Variants in THEMIS observed in about 807,000 individuals in gnomAD.
THEMIS encodes protein THEMIS.
Under a neutral mutation model 52.6 loss-of-function variants are expected in THEMIS, and 37 were observed. That is an observed-to-expected ratio of 0.70 (90% CI 0.54 to 0.93). THEMIS has a LOEUF of 0.93. Among genes scored for constraint, THEMIS ranks in the 40% least tolerant of loss-of-function variants. THEMIS has a pLI of 0.00. For missense variants in THEMIS, 808 were observed against 763.1 expected (o/e 1.06, Z -0.69); for synonymous variants, 292 against 272.7 (o/e 1.07, Z -0.70).
chr6:127,800,693 G>C (rs1347651593), intron 4 of THEMIS, among the ~76,000 whole-genome samples: 5 of 152,202 alleles, frequency 3.3e-5, no homozygotes, highest in Admixed American at 3.3e-4. Flanking sequence ...AATCAGCTTA[G>C]AGTGCAGCAG....
chr6:127,831,437 A>G (rs541147202), intron 2 of THEMIS, among the ~76,000 whole-genome samples: 193 of 152,260 alleles, frequency 1.3e-3, no homozygotes, highest in African/African-American at 4.5e-3. Flanking sequence ...ATATACTAGC[A>G]TGCTCTAAGA....
intron 4 of THEMIS, among the ~76,000 whole-genome samples, chr6:127,775,216 G>A (rs894238008): frequency 6.6e-6 from 1 of 152,188 alleles, no homozygotes; most frequent in Non-Finnish European, 1.5e-5. Context: ...CCTGCTTTCT[G>A]CCCATAAGAA....
At chr6:127,895,555 ATG>A (rs1780939849) in intron 1 of THEMIS, among the ~76,000 whole-genome samples, 1 of 151,554 alleles carries the variant, frequency 6.6e-6, no homozygotes, top group Non-Finnish European at 1.5e-5. Flanking sequence ...TGATATAAGT[ATG>A]TGTGTGTGCA....
intron 2 of THEMIS, among the ~76,000 whole-genome samples, chr6:127,842,509 T>C (rs1000916682): frequency 1.3e-5 from 2 of 152,062 alleles, no homozygotes; most frequent in Non-Finnish European, 2.9e-5. Context: ...ATTTTTCACA[T>C]GTCCAATAAA....
chr6:127,739,572 C>CG (rs796805485), intron 4 of THEMIS, among the ~76,000 whole-genome samples: 57 of 152,108 alleles, frequency 3.7e-4, no homozygotes, highest in East Asian at 1.5e-3. Context: ...ACCCGGGAGG[C>CG]GAGCTTACTG....
At chr6:127,893,777 C>T (rs1780881904) in intron 1 of THEMIS, among the ~76,000 whole-genome samples, 1 of 152,140 alleles carries the variant, frequency 6.6e-6, no homozygotes, top group East Asian at 1.9e-4. Flanking sequence ...TCATCATCAC[C>T]ACAGGACGGG....
chr6:127,811,053 A>T (rs185533679), intron 4 of THEMIS, among the ~76,000 whole-genome samples: 218 of 152,248 alleles, frequency 1.4e-3, no homozygotes, highest in African/African-American at 4.6e-3. Context: ...CAAACAAACA[A>T]CAACAAAAAA....
chr6:127,736,264 G>C (rs1361214667), intron 4 of THEMIS, among the ~76,000 whole-genome samples: 1 of 151,934 alleles, frequency 6.6e-6, no homozygotes, highest in Admixed American at 6.6e-5. Context: ...AAATTCAGTG[G>C]AGAGACAAAT....
At chr6:127,897,145 CA>C (rs1461870131) in intron 1 of THEMIS, among the ~76,000 whole-genome samples, 1 of 151,188 alleles carries the variant, frequency 6.6e-6, no homozygotes, top group Non-Finnish European at 1.5e-5. Context: ...AAACCATATA[CA>C]AAAACATAAA....
chr6:127,878,221 T>G (rs1192127368), intron 1 of THEMIS, among the ~76,000 whole-genome samples: 2 of 152,166 alleles, frequency 1.3e-5, no homozygotes, highest in Non-Finnish European at 2.9e-5. Context: ...ATAAGAATCT[T>G]GTGAACCCAA....
intron 5 of THEMIS, 38 bp downstream of exon 5, chr6:127,719,650 A>G (rs1379297944): frequency 6.4e-7 from 1 of 1,560,738 alleles, no homozygotes; most frequent in Non-Finnish European, 8.6e-7. Context: ...GGACAGTTAA[A>G]CCACCGTGGT....
At chr6:127,870,132 C>A (rs1780111971) in intron 1 of THEMIS, among the ~76,000 whole-genome samples, 1 of 152,204 alleles carries the variant, frequency 6.6e-6, no homozygotes, top group Non-Finnish European at 1.5e-5. Flanking sequence ...TGTCCTTTCT[C>A]CTTCCCACTG....
At chr6:127,764,943 C>A (rs964166352) in intron 4 of THEMIS, among the ~76,000 whole-genome samples, 1 of 151,924 alleles carries the variant, frequency 6.6e-6, no homozygotes, top group Admixed American at 6.6e-5. Context: ...ACCAGGGAAA[C>A]CTCATTAACT....
In THEMIS at chr6:127,745,307, GA is replaced by G. The variant is rs1486079854; in HGVS notation, c.1759-25485del. Among the ~76,000 whole-genome samples the G allele has an allele frequency of 1.4e-4, 22 of 151,864 alleles. 1 individual carries two copies. In the East Asian group the frequency reaches 3.7e-3, roughly 25 times the overall value. On this transcript the variant is annotated intron_variant, in intron 4 of 5. Coordinates refer to ENST00000368248, the MANE Select transcript of THEMIS (RefSeq NM_001010923.3). ...TCTTAAATCTAAAATGCTTTATAGA[GA>G]AAAATTAGAAACAACCATTAAATTG...
chr6:127,738,475 A>G (rs1353643567), intron 4 of THEMIS, among the ~76,000 whole-genome samples: 2 of 152,328 alleles, frequency 1.3e-5, no homozygotes, highest in African/African-American at 2.4e-5. Flanking sequence ...GGTTTTTCAT[A>G]TACAACTAGA....
intron 1 of THEMIS, among the ~76,000 whole-genome samples, chr6:127,867,842 T>C (rs1394137519): frequency 1.3e-5 from 2 of 152,094 alleles, no homozygotes; most frequent in African/African-American, 4.8e-5. Context: ...ACACCAAAGT[T>C]AAGAGGTCTG....
At chr6:127,799,892 T>G (rs984894238) in intron 4 of THEMIS, among the ~76,000 whole-genome samples, 1 of 152,214 alleles carries the variant, frequency 6.6e-6, no homozygotes, top group African/African-American at 2.4e-5. Flanking sequence ...AAATTTTTCC[T>G]TGACAAGTTA....
intron 4 of THEMIS, among the ~76,000 whole-genome samples, chr6:127,730,277 T>TAGAAAAGAAAAGA (rs1554215749): frequency 3.7e-5 from 2 of 54,672 alleles, no homozygotes; most frequent in Non-Finnish European, 1.0e-4. Context: ...CTATAGGAAA[T>TAGAAAAGAAAAGA]AAAGAAAAGA....
chr6:127,737,396 G>C (rs947442520), intron 4 of THEMIS, among the ~76,000 whole-genome samples: 3 of 152,134 alleles, frequency 2.0e-5, no homozygotes, highest in African/African-American at 7.2e-5. Context: ...ACCTTTTCTT[G>C]ATGCTCAGGA....
Sources: allele counts gnomAD v4.1 joint callset (sites outside exome capture counted in the v4.1 genomes callset), GRCh38; gene constraint gnomAD v4.1.1; transcripts MANE v1.5; gene names NCBI Gene and HGNC (gene_info 2026-07-23, HGNC 2026-07-21).